KIAA1191: variants seen among roughly 807,000 people sequenced by gnomAD.
KIAA1191 encodes KIAA1191.
A neutral mutation model predicts 31.1 loss-of-function variants in KIAA1191; 22 were observed. That is an observed-to-expected ratio of 0.71 (90% CI 0.51 to 1.01). The LOEUF is 1.01. KIAA1191 is among the 50% of genes least tolerant of loss of function. KIAA1191 has a pLI of 0.00. For synonymous variants in KIAA1191, 130 were observed against 143.9 expected, an observed-to-expected ratio of 0.90 and a Z score of 0.69; for missense variants, 319 against 388.0, an observed-to-expected ratio of 0.82 and a Z score of 1.49.
chr5:176,349,494 A>G (rs1766804436), intron 6 of KIAA1191, among the ~76,000 whole-genome samples: 1 of 152,218 alleles, frequency 6.6e-6, no homozygotes, highest in Admixed American at 6.5e-5. Context: ...AGCCTGGCCA[A>G]CATGGTGAAA....
intron 3 of KIAA1191, among the ~76,000 whole-genome samples, chr5:176,356,397 T>C (rs969475388): frequency 2.0e-5 from 3 of 152,214 alleles, no homozygotes; most frequent in African/African-American, 7.2e-5. Flanking sequence ...CCCAAGTTCA[T>C]TCAGAAAATG....
At chr5:176,359,278 C>T (rs1030583528) in intron 3 of KIAA1191, among the ~76,000 whole-genome samples, 2 of 151,816 alleles carry the variant, frequency 1.3e-5, no homozygotes, top group Non-Finnish European at 2.9e-5. Context: ...GAGATTGTGC[C>T]GCTGCACTCC....
chr5:176,352,606 G>A lies in KIAA1191; in HGVS notation c.334+16C>T. 1 of 1,612,106 alleles carries A rather than the reference G, an allele frequency of 6.2e-7. No homozygotes were observed. Among genetic ancestry groups the A allele is most frequent in the Non-Finnish European group, 8.5e-7 (1 of 1,178,946 alleles). ...TGCCCCTATGGCACTCTACTCTGAGGGTGAAGAGTGCTTACTTGTGATCAG... is the reference window on the plus strand; with the variant it reads ...TGCCCCTATGGCACTCTACTCTGAGAGTGAAGAGTGCTTACTTGTGATCAG... On this transcript the variant is annotated intron_variant, in intron 5 of 8. Transcript: ENST00000298569.
In KIAA1191 at chr5:176,352,649, G is replaced by A; in HGVS notation, c.307C>T (p.His103Tyr). The change falls in exon 5 of 9, where the codon CAT becomes TAT. Residue 103 changes from histidine to tyrosine, a missense_variant. Transcript: ENST00000298569. ...GTGATCAGAGAATTCATGATGACAT[G>A]GGTAGCTTTAGCCTTCACCACTGGG... ...KVPVVKAKATHVIMNSLITKQ... is the reference protein window; with the variant it reads ...KVPVVKAKATYVIMNSLITKQ... 6.2e-7 allele frequency: 1 copy of A among 1,613,876 alleles called. No individual in the cohort carries two copies. Among genetic ancestry groups the A allele is most frequent in the Non-Finnish European group, 8.5e-7 (1 of 1,179,846 alleles).
intron 3 of KIAA1191, chr5:176,357,061 T>G (rs772207473): frequency 5.3e-5 from 8 of 152,192 alleles, no homozygotes; most frequent in Non-Finnish European, 2.9e-5. Context: ...ATCCCAGCAC[T>G]TTGGGAGGCT....
Position 176,347,912 on chromosome 5 carries a change from C to G in KIAA1191, c.709+9G>C. ...CATGCTGCTCTCTTTTTTGAAGGTG[C>G]TGCCTTACCAGAATCGTACTTCTGA... On this transcript the variant is annotated intron_variant, in intron 8 of 8. Coordinates refer to ENST00000298569, the MANE Select transcript of KIAA1191 (RefSeq NM_020444.5). The G allele has an allele frequency of 6.2e-7, 1 of 1,614,064 alleles. No individual in the cohort carries two copies. Among genetic ancestry groups the G allele is most frequent in the Non-Finnish European group, 8.5e-7 (1 of 1,180,004 alleles).
At chr5:176,353,543 G>C (rs1278886096) in intron 4 of KIAA1191, 3 of 152,200 alleles carry the variant, frequency 2.0e-5, no homozygotes, top group African/African-American at 7.2e-5. Flanking sequence ...GAAAAATGTT[G>C]TATCCTTACT....
chr5:176,358,544 T>C (rs955274069), intron 3 of KIAA1191, among the ~76,000 whole-genome samples: 10 of 150,876 alleles, frequency 6.6e-5, no homozygotes, highest in African/African-American at 2.2e-4. Context: ...GGAGAAACCC[T>C]GTCTCTATTA....
chr5:176,355,973 C>A lies in KIAA1191; in HGVS notation c.29-224G>T. On this transcript the variant is annotated intron_variant, in intron 3 of 8. Transcript: ENST00000298569. The surrounding 1 kb of genome is among the most constrained non-coding windows in gnomAD (Gnocchi z 4.2). Reference sequence around the variant, plus strand: ...ACTTAACCCACTCAGCCGTCCTAATCCTTTTTTTTTATTATTTGTTTAGAG... The same window carrying A: ...ACTTAACCCACTCAGCCGTCCTAATACTTTTTTTTTATTATTTGTTTAGAG... 1.9e-6 allele frequency: 1 copy of A among 536,992 alleles called. No individual in the cohort carries two copies. The highest frequency in any genetic ancestry group is 3.3e-6 in the Non-Finnish European group (1 of 302,296). The allele number at this position is 536,992 out of a possible 1,614,324, so 33.3% of individuals were successfully genotyped here.
At chr5:176,350,842 C>T in intron 5 of KIAA1191, 105 bp from the exon 6 acceptor site, 4 of 1,376,088 alleles carry the variant, frequency 2.9e-6, no homozygotes, top group Non-Finnish European at 4.0e-6. Context: ...AGAGACCACA[C>T]TGACCATTCA....
At chr5:176,353,404 G>A (rs1767210943) in intron 4 of KIAA1191, 2 of 152,240 alleles carry the variant, frequency 1.3e-5, no homozygotes, top group African/African-American at 2.4e-5. Context: ...TTCTGCAATC[G>A]AAACACCTGA....
At position 176,355,137 on chromosome 5, in the gene KIAA1191, A is replaced by T. The variant is rs1172402666; in HGVS notation, c.207+434T>A. Among the ~76,000 whole-genome samples the T allele has an allele frequency of 6.6e-6, 1 of 152,094 alleles. No homozygotes were observed. Among genetic ancestry groups the T allele is most frequent in the African/African-American group, 2.4e-5 (1 of 41,400 alleles). On this transcript the variant is annotated intron_variant, in intron 4 of 8. Coordinates refer to ENST00000298569, the MANE Select transcript of KIAA1191 (RefSeq NM_020444.5). The surrounding 1 kb of genome is among the most constrained non-coding windows in gnomAD (Gnocchi z 4.2). ...CTGGAGAGATGCAGGCAGGACTTAG[A>T]TCACATGGACTGTGGATCATGCTGA...
chr5:176,360,459 G>GT (rs1049844343), intron 1 of KIAA1191, among the ~76,000 whole-genome samples: 61 of 142,912 alleles, frequency 4.3e-4, no homozygotes, highest in South Asian at 7.7e-4. Flanking sequence ...CCCGACCCCA[G>GT]TTTTTTTTTT....
rs200403055 is a variant in KIAA1191 at position 176,348,307 on chromosome 5, G to A, written c.509C>T (p.Ala170Val). The A allele has an allele frequency of 6.2e-7, 1 of 1,613,820 alleles. No individual in the cohort carries two copies. The highest frequency in any genetic ancestry group is 8.5e-7 in the Non-Finnish European group (1 of 1,179,948). Reference protein sequence around the residue: ...GEVTKEERQPASAQSTPSTTP... With the variant: ...GEVTKEERQPVSAQSTPSTTP... ...GGTGCTTGGGGTGGACTGGGCTGATGCAGGCTGCCTCTCTTCTTTTGTTAC... is the reference window on the plus strand; with the variant it reads ...GGTGCTTGGGGTGGACTGGGCTGATACAGGCTGCCTCTCTTCTTTTGTTAC... Residue 170 changes from alanine (A) to valine (V), a missense_variant, in exon 7 of 9, where the codon GCA (alanine) becomes GTA (valine). Transcript: ENST00000298569.
intron 3 of KIAA1191, among the ~76,000 whole-genome samples, chr5:176,358,708 AAAAAT>A (rs992063958): frequency 6.7e-6 from 1 of 150,334 alleles, no homozygotes; most frequent in Admixed American, 6.6e-5. Flanking sequence ...AGTGAGACTC[AAAAAT>A]AAAATAAAAC....
intron 4 of KIAA1191, among the ~76,000 whole-genome samples, chr5:176,353,764 T>A (rs1239319246): frequency 6.6e-6 from 1 of 152,184 alleles, no homozygotes; most frequent in Non-Finnish European, 1.5e-5. Context: ...GGAAGCCCGC[T>A]CATCCCTTGC....
rs1767156425 is a variant in KIAA1191, at chr5:176,352,882, T to C, written c.208-134A>G. 4.2e-6 allele frequency: 4 copies of C among 951,826 alleles called. No individual in the cohort carries two copies. The African/African-American group carries it at 5.0e-5, about 12-fold the overall frequency. The allele number at this position is 951,826 out of a possible 1,614,324, so 59.0% of individuals were successfully genotyped here. ...GTGAGGAAATCATTGAAGGGAGGAGTTGGTCATCTCCACCCAGCTAGATAG... is the reference window on the plus strand; with the variant it reads ...GTGAGGAAATCATTGAAGGGAGGAGCTGGTCATCTCCACCCAGCTAGATAG... On this transcript the variant is annotated intron_variant, in intron 4 of 8. Coordinates refer to ENST00000298569, the MANE Select transcript of KIAA1191 (RefSeq NM_020444.5).
intron 7 of KIAA1191, 88 bp from the exon 8 acceptor site, chr5:176,348,151 C>T (rs1766682684): frequency 2.5e-6 from 4 of 1,594,756 alleles, no homozygotes; most frequent in Non-Finnish European, 2.6e-6. Context: ...GGAACTATCC[C>T]TTCTCCCTCT....
In KIAA1191 at chr5:176,355,895, G is replaced by A. The variant is rs1036953612; in HGVS notation, c.29-146C>T. The A allele has an allele frequency of 3.9e-5, 30 of 772,176 alleles. No homozygotes were observed. In the African/African-American group the frequency reaches 4.6e-4, roughly 12 times the overall value. The allele number at this position is 772,176 out of a possible 1,614,324, so 47.8% of individuals were successfully genotyped here. On this transcript the variant is annotated intron_variant, in intron 3 of 8. Coordinates refer to ENST00000298569, the MANE Select transcript of KIAA1191 (RefSeq NM_020444.5). This position sits in a 1 kb window ranked among gnomAD's most constrained non-coding sequence, Gnocchi z 4.2. ...GTTTTGGAGTAGCTAATCCCATCCAGGAAAGGCAGTGGTACCAATCCCTTC... is the reference window on the plus strand; with the variant it reads ...GTTTTGGAGTAGCTAATCCCATCCAAGAAAGGCAGTGGTACCAATCCCTTC...
Sources: gnomAD v4.1 joint callset for allele counts (sites outside exome capture counted in the v4.1 genomes callset) on GRCh38, gnomAD v4.1.1 for gene constraint, Gnocchi (gnomAD v3.1) non-coding constraint, MANE v1.5 for transcripts, NCBI Gene and HGNC (gene_info 2026-07-23, HGNC 2026-07-21) for gene names.